CYBB: variants seen among roughly 807,000 people sequenced by gnomAD.
CYBB encodes NADPH oxidase 2.
A neutral mutation model predicts 46.5 loss-of-function variants in CYBB; 5 were observed. The observed-to-expected ratio is 0.11, with a 90% confidence interval of 0.06 to 0.23. The LOEUF (loss-of-function observed/expected upper bound fraction) is 0.23, where lower values mean the gene tolerates loss of function less well. Among genes scored for constraint, CYBB ranks in the 10% least tolerant of loss-of-function variants. The pLI, the probability that CYBB is intolerant of heterozygous loss-of-function variation, is 1.00. For missense variants in CYBB, 307 were observed against 428.3 expected (o/e 0.72, Z 2.50); for synonymous variants, 183 against 156.7 (o/e 1.17, Z -1.26).
intron 1 of CYBB, 99 bp downstream of exon 1, chrX:37,780,221 T>C: frequency 1.4e-5 from 10 of 689,775 alleles, no homozygotes; most frequent in Non-Finnish European, 2.3e-5. Flanking sequence ...TGAGGAATTG[T>C]GTTGAAACTG....
chrX:37,799,184 C>T, intron 7 of CYBB, 100 bp downstream of exon 7: 2 of 799,219 alleles, frequency 2.5e-6, no homozygotes, highest in Admixed American at 4.6e-5. Flanking sequence ...TATAGATGTC[C>T]ATTACAAATG....
chrX:37,797,710 C>T (rs1167838992), intron 6 of CYBB, among the ~76,000 whole-genome samples: 1 of 111,721 alleles, frequency 9.0e-6, no homozygotes, highest in Non-Finnish European at 1.9e-5. Context: ...TATAATGAAC[C>T]TTTAATGAGG....
In CYBB at chrX:37,795,986, G is replaced by A. The variant is rs1556468329; in HGVS notation, c.519G>A (p.Leu173=). The A allele has an allele frequency of 2.5e-6, 3 of 1,208,101 alleles. No homozygotes were observed. The highest frequency in any genetic ancestry group is 2.2e-6 in the Non-Finnish European group (2 of 893,582). The stretch of plus-strand genomic sequence containing the variant: ...GAGGCCTGTACCTGGCTGTGACCCT[G>A]TTGGCAGGCATCACTGGAGTTGTCA... ...PEGGLYLAVT[L]LAGITGVVIT... Residue 173 remains leucine, a synonymous_variant, in exon 6 of 13, where the codon CTG becomes CTA. Coordinates refer to ENST00000378588, the MANE Select transcript of CYBB (RefSeq NM_000397.4).
intron 1 of CYBB, among the ~76,000 whole-genome samples, chrX:37,781,099 A>G (rs1466973935): frequency 8.9e-6 from 1 of 112,704 alleles, no homozygotes; most frequent in Non-Finnish European, 1.9e-5. Flanking sequence ...GTTTACGCCA[A>G]ACCAACATTC....
intron 7 of CYBB, among the ~76,000 whole-genome samples, chrX:37,799,857 A>G (rs143374018): frequency 1.4e-3 from 159 of 111,724 alleles, no homozygotes; most frequent in African/African-American, 4.8e-3. Context: ...AAAAATCAAC[A>G]TTTGTGCAGG....
intron 6 of CYBB, among the ~76,000 whole-genome samples, chrX:37,798,645 T>C (rs1929366602): frequency 8.9e-6 from 1 of 112,330 alleles, no homozygotes; most frequent in Admixed American, 9.4e-5. Flanking sequence ...TTTCTGCTTT[T>C]GTTTGTTTGT....
chrX:37,807,272 C>T (rs1211724277), intron 11 of CYBB, among the ~76,000 whole-genome samples: 1 of 109,311 alleles, frequency 9.1e-6, no homozygotes, highest in Non-Finnish European at 1.9e-5. Context: ...AGCTGAGGAG[C>T]ATCTGTTTAT....
At chrX:37,790,569 T>C (rs782354676) in intron 3 of CYBB, among the ~76,000 whole-genome samples, 23 of 111,627 alleles carry the variant, frequency 2.1e-4, no homozygotes, top group Non-Finnish European at 4.1e-4. Flanking sequence ...TTTTTCCTTT[T>C]TCTGGAATCC....
chrX:37,784,584 A>AT (rs1556465040), intron 3 of CYBB, among the ~76,000 whole-genome samples: 1 of 106,959 alleles, frequency 9.3e-6, no homozygotes. Flanking sequence ...TATTATAAAT[A>AT]TTTTTTTGCC....
At position 37,805,139 on chromosome X, in the gene CYBB, A is replaced by G. The variant is rs1556471203; in HGVS notation, c.1285A>G (p.Asn429Asp). The G allele has an allele frequency of 1.7e-6, 2 of 1,211,372 alleles. No individual in the cohort carries two copies. The change falls in exon 10 of 13, where the codon AAT becomes GAT. Residue 429 changes from asparagine (N) to aspartate (D), a missense_variant. Transcript: ENST00000378588. ...CAAGTCAGTCTGGTACAAATATTGC[A>G]ATAACGCCACCAATCTGAAGCTCAA... ...ILKSVWYKYCNNATNLKLKKI... is the reference protein window; with the variant it reads ...ILKSVWYKYCDNATNLKLKKI...
intron 6 of CYBB, among the ~76,000 whole-genome samples, chrX:37,796,538 T>C (rs1556468514): frequency 1.8e-5 from 2 of 111,704 alleles, no homozygotes; most frequent in African/African-American, 6.5e-5. Flanking sequence ...AGGTTTGTTA[T>C]AGTTCAATAA....
rs1556464560 is a variant in CYBB, at chrX:37,782,133, C to T, written c.91C>T (p.Arg31Trp). 5.8e-6 allele frequency: 7 copies of T among 1,209,872 alleles called. No individual in the cohort carries two copies. In the South Asian group the frequency reaches 7.0e-5, roughly 12 times the overall value. Residue 31 changes from arginine to tryptophan, a missense_variant, in exon 2 of 13, where the codon CGG (arginine) becomes TGG (tryptophan). Around this residue, in one of 3 missense-constraint regions of CYBB, gnomAD observed 103 missense variants for 150.2 expected, o/e 0.69. Coordinates refer to ENST00000378588, the MANE Select transcript of CYBB (RefSeq NM_000397.4). ...LNVFLFVWYY[R>W]VYDIPPKFFY... ...CGTCTTCCTCTTTGTCTGGTATTAC[C>T]GGGTTTATGATATTCCACCTAAGTT...
At chrX:37,806,896 C>CTGTGTG (rs72172606) in intron 11 of CYBB, among the ~76,000 whole-genome samples, 1 of 106,344 alleles carries the variant, frequency 9.4e-6, no homozygotes, top group Non-Finnish European at 1.9e-5. Context: ...CTCTCTGTCT[C>CTGTGTG]TGTGTGTGTG....
intron 7 of CYBB, 128 bp downstream of exon 7, chrX:37,799,212 CAT>C (rs782245187): frequency 5.0e-5 from 32 of 638,226 alleles, no homozygotes; most frequent in Non-Finnish European, 7.4e-5. Flanking sequence ...ACAGCTAAAA[CAT>C]GTGTCTACTT....
At chrX:37,805,709 C>T (rs1485311696) in intron 10 of CYBB, among the ~76,000 whole-genome samples, 4 of 110,612 alleles carry the variant, frequency 3.6e-5, no homozygotes, top group Non-Finnish European at 7.6e-5. Context: ...CGCGCCCCAC[C>T]CCCTCCACTC....
At chrX:37,794,048 G>A (rs1556467798) in intron 5 of CYBB, among the ~76,000 whole-genome samples, 1 of 111,675 alleles carries the variant, frequency 9.0e-6, no homozygotes, top group African/African-American at 3.3e-5. Context: ...ATGAGAATGT[G>A]TGCATGTGAA....
chrX:37,798,938 T>G lies in CYBB; in HGVS notation c.675-17T>G, dbSNP rs782567852. On this transcript the variant is annotated splice_polypyrimidine_tract_variant and intron_variant, in intron 6 of 12. Coordinates refer to ENST00000378588, the MANE Select transcript of CYBB (RefSeq NM_000397.4). ...TTTCCTATTACTAAATGATCTGGACTTACATTTTTCACCCAGACGAATTGT... is the reference window on the plus strand; with the variant it reads ...TTTCCTATTACTAAATGATCTGGACGTACATTTTTCACCCAGACGAATTGT... 1 of 1,198,881 alleles carries G rather than the reference T, an allele frequency of 8.3e-7. No homozygotes were observed. Among genetic ancestry groups the G allele is most frequent in the Non-Finnish European group, 1.1e-6 (1 of 886,607 alleles).
At position 37,813,271 on chromosome X, in the gene CYBB, A is replaced by C. The variant is rs1343683150; in HGVS notation, c.*2354A>C. On this transcript the variant is annotated 3_prime_UTR_variant, in exon 13 of 13. Transcript: ENST00000378588. The stretch of plus-strand genomic sequence containing the variant: ...AGCATTTATTAACAGGTACTCTAAG[A>C]ATGATGAAGCATTGTTTTTAATCTT... The C allele has an allele frequency of 9.6e-6, 1 of 104,421 alleles. No homozygotes were observed. Among genetic ancestry groups the C allele is most frequent in the Non-Finnish European group, 1.9e-5 (1 of 51,298 alleles). The allele number at this position is 104,421 out of a possible 1,213,427, so 8.6% of individuals were successfully genotyped here. A position where few individuals can be genotyped will look rare whatever the true frequency, so the allele number is the denominator to read the frequency against.
rs568892314 is a variant in CYBB, at chrX:37,793,576, T to C, written c.338-89T>C. 29 of 1,015,562 alleles carry C rather than the reference T, an allele frequency of 2.9e-5. No homozygotes were observed. The Middle Eastern group carries it at 1.0e-3, about 35-fold the overall frequency. The allele number at this position is 1,015,562 out of a possible 1,213,427, so 83.7% of individuals were successfully genotyped here. On this transcript the variant is annotated intron_variant, in intron 4 of 12. Transcript: ENST00000378588. Reference sequence around the variant, plus strand: ...CCCTTTGTCTCCCTGTGGCTTATCATAGAGTCAGAGGCTGTCCCAGAAACC... The same window carrying C: ...CCCTTTGTCTCCCTGTGGCTTATCACAGAGTCAGAGGCTGTCCCAGAAACC...
Sources: gnomAD v4.1 joint callset for allele counts (sites outside exome capture counted in the v4.1 genomes callset) on GRCh38, gnomAD v4.1.1 for gene constraint, gnomAD v4.1.1 regional missense constraint, MANE v1.5 for transcripts, NCBI Gene and HGNC (gene_info 2026-07-23, HGNC 2026-07-21) for gene names.